GRIK3: variants seen among roughly 807,000 people sequenced by gnomAD.
GRIK3 encodes the protein glutamate receptor ionotropic, kainate 3.
In GRIK3, 29 loss-of-function variants were observed where a neutral mutation model predicts 102.5. The ratio of observed to expected loss-of-function variants is 0.28; its 90% confidence interval spans 0.21 to 0.39. GRIK3 has a LOEUF of 0.39. Ranked by LOEUF, GRIK3 falls within the 10% of genes least tolerant of loss-of-function variation. The pLI, the probability that GRIK3 is intolerant of heterozygous loss-of-function variation, is 1.00. For synonymous variants in GRIK3, 511 were observed against 504.9 expected (o/e 1.01, Z -0.16); for missense variants, 908 against 1,252.4 (o/e 0.73, Z 4.15).
intron 1 of GRIK3, among the ~76,000 whole-genome samples, chr1:36,941,064 C>G (rs1641714088): frequency 6.6e-6 from 1 of 152,234 alleles, no homozygotes; most frequent in African/African-American, 2.4e-5. Context: ...TAAGTGGTTT[C>G]TTGGGTCTCA....
intron 13 of GRIK3, among the ~76,000 whole-genome samples, chr1:36,809,238 A>G (rs1306024311): frequency 1.3e-5 from 2 of 151,906 alleles, no homozygotes; most frequent in African/African-American, 4.8e-5. Context: ...TCACCCACCC[A>G]TCCACTATTG....
intron 1 of GRIK3, among the ~76,000 whole-genome samples, chr1:36,951,281 G>A (rs1040335502): frequency 2.6e-5 from 4 of 152,234 alleles, no homozygotes; most frequent in Non-Finnish European, 5.9e-5. Flanking sequence ...ACAGAATGCC[G>A]GACTCAGGGT....
At chr1:36,913,494 A>G (rs1321081370) in intron 1 of GRIK3, among the ~76,000 whole-genome samples, 3 of 152,272 alleles carry the variant, frequency 2.0e-5, no homozygotes, top group Admixed American at 1.3e-4. Flanking sequence ...GATGCCTTTT[A>G]GCTTAAAAGC....
chr1:36,819,901 C>T lies in GRIK3; in HGVS notation c.1755-47G>A. 2.1e-6 allele frequency: 2 copies of T among 958,294 alleles called. No individual in the cohort carries two copies. Among genetic ancestry groups the T allele is most frequent in the Non-Finnish European group, 3.3e-6 (2 of 600,792 alleles). The allele number at this position is 958,294 out of a possible 1,614,324, so 59.4% of individuals were successfully genotyped here. A position where few individuals can be genotyped will look rare whatever the true frequency, so the allele number is the denominator to read the frequency against. On this transcript the variant is annotated intron_variant, in intron 11 of 15. Coordinates refer to ENST00000373091, the MANE Select transcript of GRIK3 (RefSeq NM_000831.4). This position sits in a 1 kb window ranked among gnomAD's most constrained non-coding sequence, Gnocchi z 4.1. Reference sequence around the variant, plus strand: ...AGTCAGCCTGGGAAGCAAGGGGCATCCACGCCCCAGCAGGCAGTGGTTTAG... The same window carrying T: ...AGTCAGCCTGGGAAGCAAGGGGCATTCACGCCCCAGCAGGCAGTGGTTTAG...
At chr1:36,926,060 T>C (rs906882014) in intron 1 of GRIK3, among the ~76,000 whole-genome samples, 5 of 152,230 alleles carry the variant, frequency 3.3e-5, no homozygotes, top group African/African-American at 1.2e-4. Context: ...ATTTTGGTAG[T>C]CATTGGCCAG....
At chr1:37,004,789 GA>G (rs1466405411) in intron 1 of GRIK3, among the ~76,000 whole-genome samples, 4 of 152,246 alleles carry the variant, frequency 2.6e-5, no homozygotes, top group Admixed American at 2.6e-4. Context: ...AGCCCACACT[GA>G]AAATACACCT....
chr1:36,864,910 T>G (rs1640766348), intron 5 of GRIK3, among the ~76,000 whole-genome samples: 1 of 152,052 alleles, frequency 6.6e-6, no homozygotes, highest in Admixed American at 6.5e-5. Flanking sequence ...GTGAACTGTG[T>G]GCAACCTTGC....
chr1:37,025,067 C>T (rs1642753283), intron 1 of GRIK3, among the ~76,000 whole-genome samples: 1 of 152,184 alleles, frequency 6.6e-6, no homozygotes, highest in African/African-American at 2.4e-5. Flanking sequence ...CAAACCCACA[C>T]TCAGACCCCA....
intron 1 of GRIK3, among the ~76,000 whole-genome samples, chr1:36,988,523 T>C (rs563142287): frequency 6.6e-6 from 1 of 152,352 alleles, no homozygotes; most frequent in East Asian, 1.9e-4. Flanking sequence ...GGCAGCGACC[T>C]GAGAGCCCTT....
intron 1 of GRIK3, among the ~76,000 whole-genome samples, chr1:36,962,607 T>C (rs923674377): frequency 2.1e-5 from 3 of 145,332 alleles, no homozygotes; most frequent in African/African-American, 7.7e-5. Context: ...CTGAAGTGGT[T>C]AGCGGTGGAG....
At chr1:36,936,876 T>C (rs1009073607) in intron 1 of GRIK3, among the ~76,000 whole-genome samples, 3 of 152,154 alleles carry the variant, frequency 2.0e-5, no homozygotes, top group African/African-American at 7.2e-5. Flanking sequence ...ATCTGGGATT[T>C]TATAAGAGAA....
At chr1:36,916,841 G>C (rs997486830) in intron 1 of GRIK3, among the ~76,000 whole-genome samples, 8 of 152,204 alleles carry the variant, frequency 5.3e-5, no homozygotes, top group African/African-American at 1.9e-4. Context: ...GCGCAGAAGG[G>C]AAATGTGGGG....
At chr1:36,991,259 G>A (rs1379704209) in intron 1 of GRIK3, among the ~76,000 whole-genome samples, 1 of 152,226 alleles carries the variant, frequency 6.6e-6, no homozygotes, top group Non-Finnish European at 1.5e-5. Flanking sequence ...CATCATAAAT[G>A]CAGTTCCCTT....
In GRIK3 at chr1:36,805,224, C is replaced by A; in HGVS notation, c.2328G>T (p.Arg776=). 6.2e-7 allele frequency: 1 copy of A among 1,611,458 alleles called. No homozygotes were observed. Among genetic ancestry groups the A allele is most frequent in the Non-Finnish European group, 8.5e-7 (1 of 1,178,588 alleles). Residue 776 remains arginine (R), a synonymous_variant, in exon 15 of 16, where the codon CGG becomes CGT. Coordinates refer to ENST00000373091, the MANE Select transcript of GRIK3 (RefSeq NM_000831.4). ...GCAGGATGGCGATGGTGATCTTGTC[C>A]CGGTATGGGGAGCCTGAGCAGGGAG... The part of the protein sequence containing the change: ...GIGTPMGSPY[R]DKITIAILQL...
rs1000683941 is a variant in GRIK3 at position 37,034,447 on chromosome 1, G to C, written c.-339C>G. Among the ~76,000 whole-genome samples the C allele has an allele frequency of 6.6e-6, 1 of 150,932 alleles. No individual in the cohort carries two copies. The highest frequency in any genetic ancestry group is 2.4e-5 in the African/African-American group (1 of 41,220). On this transcript the variant is annotated 5_prime_UTR_variant, in exon 1 of 16. Coordinates refer to ENST00000373091, the MANE Select transcript of GRIK3 (RefSeq NM_000831.4). ...CCTGCCCCGGCTGCCGGGCTCTGGCGGGCGGGCTGCACGCGTCTCCGGCCG... is the reference window on the plus strand; with the variant it reads ...CCTGCCCCGGCTGCCGGGCTCTGGCCGGCGGGCTGCACGCGTCTCCGGCCG...
chr1:36,894,219 TTTTCTGAACA>T lies in GRIK3; in HGVS notation c.116-3133_116-3124del, dbSNP rs1191150372. On this transcript the variant is annotated intron_variant, in intron 1 of 15. Coordinates refer to ENST00000373091, the MANE Select transcript of GRIK3 (RefSeq NM_000831.4). ...GGCAGCCACTAATTTACTTTTTGTC[TTTTCTGAACA>T]TTTCATATAAATGGAATCATGCAAT... is the stretch of plus-strand genomic sequence containing the variant. Among the ~76,000 whole-genome samples, 6 of 152,332 alleles carry T rather than the reference TTTTCTGAACA, an allele frequency of 3.9e-5. No individual in the cohort carries two copies. In the East Asian group the frequency reaches 9.6e-4, roughly 24 times the overall value.
chr1:36,812,887 G>A (rs540856274), intron 13 of GRIK3, among the ~76,000 whole-genome samples: 10 of 152,192 alleles, frequency 6.6e-5, no homozygotes, highest in African/African-American at 2.4e-4. Flanking sequence ...CCTAGTCCTC[G>A]ATATTATCTC....
At chr1:37,009,408 C>CA (rs1642565586) in intron 1 of GRIK3, among the ~76,000 whole-genome samples, 1 of 152,238 alleles carries the variant, frequency 6.6e-6, no homozygotes, top group Non-Finnish European at 1.5e-5. Flanking sequence ...CTCACACCCC[C>CA]AGCCCCAGAT....
intron 9 of GRIK3, among the ~76,000 whole-genome samples, chr1:36,846,204 G>A (rs937694358): frequency 2.3e-4 from 35 of 152,070 alleles, no homozygotes; most frequent in Admixed American, 9.2e-4. Flanking sequence ...GTGAGAGGGC[G>A]GGGGAGGGCA....
Sources: allele counts gnomAD v4.1 joint callset (sites outside exome capture counted in the v4.1 genomes callset), GRCh38; gene constraint gnomAD v4.1.1; non-coding constraint Gnocchi (gnomAD v3.1); transcripts MANE v1.5; gene names NCBI Gene and HGNC (gene_info 2026-07-23, HGNC 2026-07-21).